The following AHCYL2 variants were observed in gnomAD, a reference collection of about 807,000 sequenced individuals.
The protein encoded by AHCYL2 is adenosylhomocysteinase like 2.
Under a neutral mutation model 81.4 loss-of-function variants are expected in AHCYL2, and 28 were observed. That is an observed-to-expected ratio of 0.34 (90% CI 0.25 to 0.47). The LOEUF (loss-of-function observed/expected upper bound fraction) is 0.47. Ranked by LOEUF, AHCYL2 falls within the 20% of genes least tolerant of loss-of-function variation. The pLI is 1.00. For synonymous variants in AHCYL2, 272 were observed against 290.2 expected, an observed-to-expected ratio of 0.94 and a Z score of 0.64; for missense variants, 551 against 785.1, an observed-to-expected ratio of 0.70 and a Z score of 3.56.
At chr7:129,398,776 G>A (rs1008931274) in intron 5 of AHCYL2, among the ~76,000 whole-genome samples, 1 of 151,892 alleles carries the variant, frequency 6.6e-6, no homozygotes, top group Non-Finnish European at 1.5e-5. Context: ...TTATATTTTG[G>A]TGAGATAATA....
At chr7:129,366,484 G>T (rs564282768) in intron 1 of AHCYL2, among the ~76,000 whole-genome samples, 20 of 152,216 alleles carry the variant, frequency 1.3e-4, no homozygotes, top group Non-Finnish European at 2.2e-4. Context: ...AATTTAGAAA[G>T]TATTTTGCCA....
intron 1 of AHCYL2, among the ~76,000 whole-genome samples, chr7:129,241,624 A>T (rs1794858284): frequency 6.6e-6 from 1 of 152,178 alleles, no homozygotes; most frequent in South Asian, 2.1e-4. Context: ...TTTCATTTCA[A>T]ATAGATGGAA....
At chr7:129,238,950 T>A (rs1020952908) in intron 1 of AHCYL2, among the ~76,000 whole-genome samples, 1 of 151,854 alleles carries the variant, frequency 6.6e-6, no homozygotes, top group Non-Finnish European at 1.5e-5. Flanking sequence ...AAACTCCGTC[T>A]CAAAAAAAAA....
intron 1 of AHCYL2, among the ~76,000 whole-genome samples, chr7:129,249,689 T>G (rs1795186162): frequency 1.3e-5 from 2 of 152,150 alleles, no homozygotes; most frequent in Admixed American, 1.3e-4. Context: ...CCTCCCAAAG[T>G]GCTGGGATTA....
intron 1 of AHCYL2, among the ~76,000 whole-genome samples, chr7:129,259,204 G>A (rs1249520006): frequency 6.6e-6 from 1 of 152,158 alleles, no homozygotes; most frequent in Non-Finnish European, 1.5e-5. Context: ...CTTAGGTTTT[G>A]AGAGATGTGG....
chr7:129,257,596 C>T (rs1795471650), intron 1 of AHCYL2, among the ~76,000 whole-genome samples: 1 of 152,144 alleles, frequency 6.6e-6, no homozygotes, highest in Non-Finnish European at 1.5e-5. Context: ...TCAGATTATG[C>T]ATTATGTATA....
intron 8 of AHCYL2, 109 bp from the exon 9 acceptor site, chr7:129,405,727 C>G: frequency 2.0e-6 from 2 of 1,006,534 alleles, no homozygotes; most frequent in South Asian, 4.2e-5. Flanking sequence ...GACTTTCTTT[C>G]AAAATGAAAA....
chr7:129,427,326 C>A lies in AHCYL2; in HGVS notation c.*281C>A. The A allele has an allele frequency of 2.8e-6, 1 of 351,564 alleles. No homozygotes were observed. Among genetic ancestry groups the A allele is most frequent in the Non-Finnish European group, 5.1e-6 (1 of 194,306 alleles). 21.8% of individuals were successfully genotyped at this position (351,564 alleles called of 1,614,324 possible). ...CCCAGTGCATCATTTGCATCATTCC[C>A]CATTGACTGAATCCTCAGCAGTGGC... On this transcript the variant is annotated 3_prime_UTR_variant, in exon 17 of 17. Coordinates refer to ENST00000325006, the MANE Select transcript of AHCYL2 (RefSeq NM_015328.4). This position sits in a 1 kb window ranked among gnomAD's most constrained non-coding sequence, Gnocchi z 5.5.
chr7:129,403,522 T>C, intron 7 of AHCYL2, 37 bp downstream of exon 7: 1 of 1,426,380 alleles, frequency 7.0e-7, no homozygotes, highest in East Asian at 2.4e-5. Flanking sequence ...TTTTATGCAG[T>C]CTAGACATAA....
At chr7:129,403,205 G>T (rs986565254) in intron 6 of AHCYL2, among the ~76,000 whole-genome samples, 174 bp from the exon 7 acceptor site, 1 of 151,998 alleles carries the variant, frequency 6.6e-6, no homozygotes, top group African/African-American at 2.4e-5. Context: ...TCAATATAAT[G>T]ACTATTTGGC....
At chr7:129,238,213 T>C (rs1451727501) in intron 1 of AHCYL2, among the ~76,000 whole-genome samples, 1 of 152,196 alleles carries the variant, frequency 6.6e-6, no homozygotes, top group African/African-American at 2.4e-5. Flanking sequence ...TTATTGGATA[T>C]ACAGCTCAAC....
intron 1 of AHCYL2, among the ~76,000 whole-genome samples, chr7:129,265,683 T>C (rs1795790996): frequency 6.6e-6 from 1 of 152,166 alleles, no homozygotes; most frequent in Non-Finnish European, 1.5e-5. Context: ...TATTCAGGAT[T>C]ATGCTTTAAC....
intron 11 of AHCYL2, chr7:129,410,341 C>T: frequency 6.2e-7 from 1 of 1,614,246 alleles, no homozygotes; most frequent in Non-Finnish European, 8.5e-7. Flanking sequence ...CAAGCTTTAG[C>T]TCTAGGCGTG....
At chr7:129,359,364 G>A (rs1020419461) in intron 1 of AHCYL2, among the ~76,000 whole-genome samples, 1 of 152,192 alleles carries the variant, frequency 6.6e-6, no homozygotes, top group Non-Finnish European at 1.5e-5. Flanking sequence ...ACTGATAGGC[G>A]ACCTATGAGA....
At chr7:129,340,113 A>ATG (rs1793117552) in intron 1 of AHCYL2, among the ~76,000 whole-genome samples, 2 of 147,128 alleles carry the variant, frequency 1.4e-5, no homozygotes, top group South Asian at 2.2e-4. Flanking sequence ...TAGTAGAGGC[A>ATG]GGGTTTCACC....
At chr7:129,232,949 G>A (rs1421360851) in intron 1 of AHCYL2, among the ~76,000 whole-genome samples, 1 of 152,134 alleles carries the variant, frequency 6.6e-6, no homozygotes, top group African/African-American at 2.4e-5. Context: ...GTTGACTTCT[G>A]CTGCTTGTAG....
intron 6 of AHCYL2, among the ~76,000 whole-genome samples, chr7:129,402,618 C>A (rs543049389): frequency 6.6e-6 from 1 of 152,288 alleles, no homozygotes; most frequent in South Asian, 2.1e-4. Context: ...TTTTATAATT[C>A]AAAAGCTTTT....
intron 1 of AHCYL2, among the ~76,000 whole-genome samples, chr7:129,241,485 G>A (rs1012884635): frequency 3.2e-4 from 49 of 152,154 alleles, no homozygotes; most frequent in African/African-American, 1.1e-3. Context: ...CAGCTACTCG[G>A]GAGGCTGAGG....
At chr7:129,277,500 G>T (rs1796265754) in intron 1 of AHCYL2, among the ~76,000 whole-genome samples, 1 of 151,944 alleles carries the variant, frequency 6.6e-6, no homozygotes, top group African/African-American at 2.4e-5. Flanking sequence ...GGCTGGTCTC[G>T]AACTCCTGGG....
Sources: gnomAD v4.1 joint callset for allele counts (sites outside exome capture counted in the v4.1 genomes callset) on GRCh38, gnomAD v4.1.1 for gene constraint, Gnocchi (gnomAD v3.1) non-coding constraint, MANE v1.5 for transcripts, NCBI Gene and HGNC (gene_info 2026-07-23, HGNC 2026-07-21) for gene names.